MDGA2: variants seen among roughly 807,000 people sequenced by gnomAD.
MDGA2 encodes the protein MAM domain containing glycosylphosphatidylinositol anchor 2, also known as MAM domain-containing glycosylphosphatidylinositol anchor protein 2.
A neutral mutation model predicts 117.8 loss-of-function variants in MDGA2; 40 were observed. The observed-to-expected ratio is 0.34, with a 90% CI of 0.26 to 0.44. MDGA2 has a LOEUF of 0.44. MDGA2 is among the 20% of genes least tolerant of loss of function. The pLI is 1.00. For missense variants in MDGA2, 1,123 were observed against 1,250.6 expected, an observed-to-expected ratio of 0.90 and a Z score of 1.54; for synonymous variants, 452 against 439.0, an observed-to-expected ratio of 1.03 and a Z score of -0.37.
chr14:46,877,170 A>G (rs1326829902), intron 12 of MDGA2, among the ~76,000 whole-genome samples: 1 of 151,620 alleles, frequency 6.6e-6, no homozygotes, highest in African/African-American at 2.4e-5. Flanking sequence ...ACAACGATAA[A>G]AATGATATGC....
chr14:47,488,269 A>G (rs1894100509), intron 1 of MDGA2, among the ~76,000 whole-genome samples: 1 of 152,144 alleles, frequency 6.6e-6, no homozygotes, highest in Non-Finnish European at 1.5e-5. Flanking sequence ...AACTATAGTA[A>G]GTAAAATCTC....
chr14:47,653,507 G>A (rs1897683150), intron 1 of MDGA2, among the ~76,000 whole-genome samples: 1 of 152,098 alleles, frequency 6.6e-6, no homozygotes, highest in South Asian at 2.1e-4. Flanking sequence ...AATGGAAAAT[G>A]GAAAGATGAC....
chr14:47,161,888 T>C (rs1883649263), intron 3 of MDGA2, among the ~76,000 whole-genome samples: 1 of 149,788 alleles, frequency 6.7e-6, no homozygotes, highest in Non-Finnish European at 1.5e-5. Context: ...AGAATGTTTA[T>C]TCATATCCAT....
intron 14 of MDGA2, among the ~76,000 whole-genome samples, chr14:46,856,272 A>C (rs1881264819): frequency 6.6e-6 from 1 of 152,166 alleles, no homozygotes; most frequent in Admixed American, 6.6e-5. Context: ...GTATTGAGGC[A>C]AAATTTACAT....
At chr14:47,050,955 G>GTCA (rs1477317751) in intron 7 of MDGA2, among the ~76,000 whole-genome samples, 1 of 151,900 alleles carries the variant, frequency 6.6e-6, no homozygotes, top group East Asian at 1.9e-4. Context: ...AACAGAATAA[G>GTCA]TCATCACATG....
At chr14:47,398,584 A>C (rs895800259) in intron 1 of MDGA2, among the ~76,000 whole-genome samples, 1 of 152,200 alleles carries the variant, frequency 6.6e-6, no homozygotes, top group Non-Finnish European at 1.5e-5. Flanking sequence ...CCAGCTACAT[A>C]TGAGAAAATC....
chr14:46,891,829 A>G (rs1406300041), intron 10 of MDGA2, among the ~76,000 whole-genome samples: 1 of 151,342 alleles, frequency 6.6e-6, no homozygotes, highest in Non-Finnish European at 1.5e-5. Flanking sequence ...TTTTTATAAT[A>G]CTTATAATAA....
At chr14:47,560,232 T>A (rs1214800636) in intron 1 of MDGA2, among the ~76,000 whole-genome samples, 4 of 151,904 alleles carry the variant, frequency 2.6e-5, no homozygotes, top group Admixed American at 1.3e-4. Flanking sequence ...CACGCCCGAC[T>A]AATTTTTTTT....
chr14:47,077,840 A>C (rs181220474), intron 6 of MDGA2, among the ~76,000 whole-genome samples: 101 of 152,240 alleles, frequency 6.6e-4, no homozygotes, highest in Non-Finnish European at 1.2e-3. Context: ...TGCAGATTAA[A>C]AAAAAGTTGT....
At chr14:47,481,819 A>G (rs1339612053) in intron 1 of MDGA2, among the ~76,000 whole-genome samples, 1 of 152,034 alleles carries the variant, frequency 6.6e-6, no homozygotes, top group Admixed American at 6.6e-5. Context: ...ATGCTACAAA[A>G]AAATGCAGTT....
intron 1 of MDGA2, among the ~76,000 whole-genome samples, chr14:47,614,095 C>CTTTTTTTTT (rs768294746): frequency 4.9e-5 from 5 of 101,704 alleles, no homozygotes; most frequent in African/African-American, 1.5e-4. Flanking sequence ...TTTCTTTTTT[C>CTTTTTTTTT]TTTTTTTTTT....
intron 1 of MDGA2, among the ~76,000 whole-genome samples, chr14:47,601,418 G>A (rs1041845413): frequency 3.9e-5 from 6 of 152,020 alleles, no homozygotes; most frequent in Non-Finnish European, 7.4e-5. Flanking sequence ...AATCTGTATT[G>A]ATCAAAGGCA....
chr14:47,086,399 G>A lies in MDGA2; in HGVS notation c.1195+10455C>T, dbSNP rs576762619. On this transcript the variant is annotated intron_variant, in intron 6 of 16. Transcript: ENST00000399232. ...GCATTTAGAATGAGCACTGACATTG[G>A]AGGAATTTGAACAGAATTCAAAGAG... Among the ~76,000 whole-genome samples the A allele has an allele frequency of 5.3e-5, 8 of 152,136 alleles. No homozygotes were observed. The East Asian group carries it at 1.5e-3, about 29-fold the overall frequency.
chr14:47,635,276 C>A (rs1328361757), intron 1 of MDGA2, among the ~76,000 whole-genome samples: 1 of 152,040 alleles, frequency 6.6e-6, no homozygotes, highest in Non-Finnish European at 1.5e-5. Context: ...AAGCAGGTCA[C>A]TTATTTATCT....
At chr14:47,441,854 T>C (rs1893018619) in intron 1 of MDGA2, among the ~76,000 whole-genome samples, 1 of 152,168 alleles carries the variant, frequency 6.6e-6, no homozygotes, top group Admixed American at 6.5e-5. Flanking sequence ...AAGCTGAGAA[T>C]GATTAGAAAC....
At chr14:47,168,830 T>G (rs1410555867) in intron 3 of MDGA2, among the ~76,000 whole-genome samples, 1 of 152,084 alleles carries the variant, frequency 6.6e-6, no homozygotes, top group African/African-American at 2.4e-5. Context: ...AAATTCTGCC[T>G]TCAAGACACT....
At chr14:47,668,383 T>C (rs925455681) in intron 1 of MDGA2, among the ~76,000 whole-genome samples, 12 of 152,204 alleles carry the variant, frequency 7.9e-5, no homozygotes, top group Admixed American at 7.9e-4. Flanking sequence ...TGAATACAAC[T>C]GGACCCTGGA....
chr14:47,117,736 C>T (rs1403243069), intron 5 of MDGA2, among the ~76,000 whole-genome samples: 1 of 151,988 alleles, frequency 6.6e-6, no homozygotes, highest in African/African-American at 2.4e-5. Flanking sequence ...GGAAATGTGG[C>T]TATCAGGGGT....
At chr14:47,442,710 C>T (rs1893038177) in intron 1 of MDGA2, among the ~76,000 whole-genome samples, 1 of 152,200 alleles carries the variant, frequency 6.6e-6, no homozygotes, top group African/African-American at 2.4e-5. Flanking sequence ...CATCACCTTC[C>T]TGCGGATACC....
Sources: gnomAD v4.1 joint callset for allele counts (sites outside exome capture counted in the v4.1 genomes callset) on GRCh38, gnomAD v4.1.1 for gene constraint, MANE v1.5 for transcripts, NCBI Gene and HGNC (gene_info 2026-07-23, HGNC 2026-07-21) for gene names.